IRAK2: variants seen among roughly 807,000 people sequenced by gnomAD.
The protein encoded by IRAK2 is interleukin-1 receptor-associated kinase-like 2.
Under a neutral mutation model 72.0 loss-of-function variants are expected in IRAK2, and 57 were observed. The observed-to-expected ratio is 0.79, with a 90% CI of 0.64 to 0.99. IRAK2 has a LOEUF of 0.99. Among genes scored for constraint, IRAK2 ranks in the 50% least tolerant of loss-of-function variants. The probability of loss-of-function intolerance (pLI) is 0.00; values close to 1 mark genes in which losing one functional copy is unlikely to be tolerated. For missense variants in IRAK2, 790 were observed against 794.4 expected (o/e 0.99, Z 0.07); for synonymous variants, 293 against 312.7 (o/e 0.94, Z 0.67).
At chr3:10,241,144 T>C (rs910190667) in intron 12 of IRAK2, among the ~76,000 whole-genome samples, 30 of 151,672 alleles carry the variant, frequency 2.0e-4, no homozygotes, top group Non-Finnish European at 2.9e-5. Flanking sequence ...GTGCAGTGGC[T>C]CATACCTGTA....
chr3:10,233,238 G>A (rs556035325), intron 10 of IRAK2, among the ~76,000 whole-genome samples: 5 of 152,088 alleles, frequency 3.3e-5, no homozygotes, highest in African/African-American at 1.2e-4. Flanking sequence ...TTTTAGTAGC[G>A]ACGAGGTTTC....
Position 10,222,721 on chromosome 3 carries a change from T to C in IRAK2, c.1099T>C (p.Tyr367His), listed in dbSNP as rs1035340873. Reference sequence around the variant, plus strand: ...GTGTCCTGTCAACAAAAGGTCAAAATACACCATGATGAAGACTCACCTGCT... The same window carrying C: ...GTGTCCTGTCAACAAAAGGTCAAAACACACCATGATGAAGACTCACCTGCT... ...HLCPVNKRSK[Y>H]TMMKTHLLRT... Residue 367 changes from tyrosine to histidine, a missense_variant, in exon 9 of 13, where the codon TAC (tyrosine) becomes CAC (histidine). Coordinates refer to ENST00000256458, the MANE Select transcript of IRAK2 (RefSeq NM_001570.4). 6.2e-7 allele frequency: 1 copy of C among 1,614,018 alleles called. No homozygotes were observed. The highest frequency in any genetic ancestry group is 1.3e-5 in the African/African-American group (1 of 74,902).
chr3:10,172,603 G>T (rs1467705406), intron 1 of IRAK2, among the ~76,000 whole-genome samples: 1 of 149,198 alleles, frequency 6.7e-6, no homozygotes, highest in African/African-American at 2.5e-5. Context: ...ACTTTGGGAG[G>T]CCGAGGTGGG....
intron 4 of IRAK2, among the ~76,000 whole-genome samples, chr3:10,212,935 T>C (rs1354722760): frequency 6.6e-6 from 1 of 151,998 alleles, no homozygotes; most frequent in Non-Finnish European, 1.5e-5. Context: ...TGGATAATTT[T>C]TTTTTGTATT....
At chr3:10,227,539 TAG>T (rs1379006977) in intron 10 of IRAK2, among the ~76,000 whole-genome samples, 2 of 152,180 alleles carry the variant, frequency 1.3e-5, no homozygotes, top group Non-Finnish European at 2.9e-5. Flanking sequence ...TTTTCCATGA[TAG>T]AGTCATTATA....
At chr3:10,178,799 CT>C (rs1559439534) in intron 2 of IRAK2, among the ~76,000 whole-genome samples, 2 of 151,908 alleles carry the variant, frequency 1.3e-5, no homozygotes, top group African/African-American at 4.8e-5. Flanking sequence ...TCTGCAATTC[CT>C]TTTTTAAAAA....
chr3:10,241,168 G>C (rs901796763), intron 12 of IRAK2, among the ~76,000 whole-genome samples: 1 of 151,494 alleles, frequency 6.6e-6, no homozygotes, highest in Non-Finnish European at 1.5e-5. Flanking sequence ...CTAGTACTTC[G>C]GGAGGACGAG....
At chr3:10,166,936 T>G (rs1575947258) in intron 1 of IRAK2, among the ~76,000 whole-genome samples, 1 of 152,108 alleles carries the variant, frequency 6.6e-6, no homozygotes, top group South Asian at 2.1e-4. Flanking sequence ...GAGCCACTGC[T>G]CCTGGACCTG....
rs1698074735 is a variant in IRAK2 at position 10,242,401 on chromosome 3, CT to C, written c.*174del. On this transcript the variant is annotated 3_prime_UTR_variant, in exon 13 of 13. Coordinates refer to ENST00000256458, the MANE Select transcript of IRAK2 (RefSeq NM_001570.4). ...TGGAATGAGTTGGGAGAGAAAGGCC[CT>C]CAGCTTTTAGAGACACAAAAATCCA... 2 of 446,766 alleles carry C rather than the reference CT, an allele frequency of 4.5e-6. No individual in the cohort carries two copies. Among genetic ancestry groups the C allele is most frequent in the Admixed American group, 4.0e-5 (1 of 25,280 alleles). The allele number at this position is 446,766 out of a possible 1,614,324, so 27.7% of individuals were successfully genotyped here.
chr3:10,201,053 T>C (rs1218553489), intron 3 of IRAK2, among the ~76,000 whole-genome samples: 2 of 152,166 alleles, frequency 1.3e-5, no homozygotes, highest in Non-Finnish European at 2.9e-5. Flanking sequence ...AAAAATCAGG[T>C]AACAAAATGT....
At chr3:10,185,890 A>T (rs1697068330) in intron 2 of IRAK2, among the ~76,000 whole-genome samples, 1 of 151,436 alleles carries the variant, frequency 6.6e-6, no homozygotes, top group Non-Finnish European at 1.5e-5. Flanking sequence ...ATAAATAAAA[A>T]TGGAAATACA....
At chr3:10,198,602 A>G (rs1697308646) in intron 2 of IRAK2, among the ~76,000 whole-genome samples, 1 of 152,244 alleles carries the variant, frequency 6.6e-6, no homozygotes, top group African/African-American at 2.4e-5. Context: ...ATGAACTACC[A>G]GAGATTGTTG....
intron 2 of IRAK2, among the ~76,000 whole-genome samples, chr3:10,188,528 G>A (rs949593859): frequency 6.6e-6 from 1 of 150,588 alleles, no homozygotes; most frequent in Non-Finnish European, 1.5e-5. Context: ...ATTTATTTAT[G>A]TATTTATTTA....
At chr3:10,237,805 C>CAA (rs751642671) in intron 11 of IRAK2, among the ~76,000 whole-genome samples, 1,116 of 55,682 alleles carry the variant, frequency 0.02, 32 homozygotes, top group African/African-American at 0.059. Flanking sequence ...GACTCTGTCT[C>CAA]AAAAAAAAAA....
At chr3:10,180,105 G>C (rs181266259) in intron 2 of IRAK2, among the ~76,000 whole-genome samples, 1 of 152,268 alleles carries the variant, frequency 6.6e-6, no homozygotes, top group East Asian at 1.9e-4. Context: ...TACCCTGAAG[G>C]GTGGCTGTGA....
At chr3:10,184,955 T>A (rs1408143159) in intron 2 of IRAK2, among the ~76,000 whole-genome samples, 1 of 150,580 alleles carries the variant, frequency 6.6e-6, no homozygotes, top group South Asian at 2.1e-4. Context: ...GCCAGGGTGA[T>A]CTCCTGACCT....
At chr3:10,241,152 G>C (rs1249087480) in intron 12 of IRAK2, among the ~76,000 whole-genome samples, 1 of 151,644 alleles carries the variant, frequency 6.6e-6, no homozygotes, top group African/African-American at 2.4e-5. Flanking sequence ...GCTCATACCT[G>C]TAATCCTAGT....
chr3:10,172,232 T>A (rs1696805229), intron 1 of IRAK2, among the ~76,000 whole-genome samples: 1 of 150,862 alleles, frequency 6.6e-6, no homozygotes, highest in South Asian at 2.1e-4. Flanking sequence ...CCGGGCATGG[T>A]GGCAGGCGCC....
intron 2 of IRAK2, among the ~76,000 whole-genome samples, chr3:10,192,910 C>T (rs1352012822): frequency 1.3e-5 from 2 of 152,106 alleles, no homozygotes; most frequent in African/African-American, 4.8e-5. Flanking sequence ...CAGAGCGAGA[C>T]TATAGCAAAT....
Sources: allele counts gnomAD v4.1 joint callset (sites outside exome capture counted in the v4.1 genomes callset), GRCh38; gene constraint gnomAD v4.1.1; transcripts MANE v1.5; gene names NCBI Gene and HGNC (gene_info 2026-07-23, HGNC 2026-07-21).